The following RIOX2 variants were observed in gnomAD, a reference collection of about 807,000 sequenced individuals.
The protein encoded by RIOX2 is 60S ribosomal protein L27a histidine hydroxylase.
RIOX2 carries 43 observed loss-of-function variants against 51.2 expected under a neutral mutation model. The ratio of observed to expected loss-of-function variants is 0.84; its 90% CI spans 0.66 to 1.08. The LOEUF is 1.08. Among genes scored for constraint, RIOX2 ranks in the 50% least tolerant of loss-of-function variants. RIOX2 has a pLI of 0.00. For synonymous variants in RIOX2, 226 were observed against 218.5 expected (o/e 1.03, Z -0.30); for missense variants, 566 against 561.7 (o/e 1.01, Z -0.08).
intron 2 of RIOX2, among the ~76,000 whole-genome samples, chr3:97,963,117 T>C (rs1238067335): frequency 6.6e-6 from 1 of 152,114 alleles, no homozygotes; most frequent in Non-Finnish European, 1.5e-5. Context: ...ACTGGGTCAA[T>C]ATGAAAAAAG....
Position 97,945,127 on chromosome 3 carries a change from T to C in RIOX2, c.*57A>G, listed in dbSNP as rs1426217012. The C allele has an allele frequency of 6.7e-7, 1 of 1,485,972 alleles. No individual in the cohort carries two copies. The highest frequency in any genetic ancestry group is 1.4e-5 in the African/African-American group (1 of 70,156). The allele number at this position is 1,485,972 out of a possible 1,614,324, so 92.0% of individuals were successfully genotyped here. On this transcript the variant is annotated 3_prime_UTR_variant, in exon 10 of 10. Transcript: ENST00000394198. ...TTCATCCTCTCCTCGGCTCAGGTCT[T>C]TGCTTTTCTTTTAATATATGCATAT...
intron 4 of RIOX2, among the ~76,000 whole-genome samples, chr3:97,956,305 C>T (rs896444767): frequency 4.6e-5 from 7 of 152,136 alleles, no homozygotes; most frequent in Non-Finnish European, 8.8e-5. Context: ...GGCTGGAAAA[C>T]GTAAGTAAAC....
chr3:97,950,759 T>C (rs752273101), intron 6 of RIOX2, 27 bp downstream of exon 6: 12 of 1,581,044 alleles, frequency 7.6e-6, no homozygotes, highest in Admixed American at 3.3e-5. Flanking sequence ...CTACCATCCT[T>C]CATTCCTACC....
At chr3:97,970,333 A>G (rs1452140236) in intron 1 of RIOX2, among the ~76,000 whole-genome samples, 1 of 152,208 alleles carries the variant, frequency 6.6e-6, no homozygotes. Flanking sequence ...TCATGTTGAA[A>G]TGATTTGAGG....
Position 97,944,682 on chromosome 3 carries a change from C to T in RIOX2, c.*502G>A, listed in dbSNP as rs1305167322. 1 of 152,316 alleles carries T rather than the reference C, an allele frequency of 6.6e-6. No homozygotes were observed. The highest frequency in any genetic ancestry group is 2.4e-5 in the African/African-American group (1 of 41,370). 9.4% of individuals were successfully genotyped at this position (152,316 alleles called of 1,614,324 possible). A position where few individuals can be genotyped will look rare whatever the true frequency, so the allele number is the denominator to read the frequency against. ...TCCATAGGTGTTGCGTGCCTCTCAT[C>T]TGTGGGGAAGTATTATTTAATAAAA... On this transcript the variant is annotated 3_prime_UTR_variant, in exon 10 of 10. Coordinates refer to ENST00000394198, the MANE Select transcript of RIOX2 (RefSeq NM_153182.4).
chr3:97,957,429 G>T (rs1705491473), intron 4 of RIOX2, among the ~76,000 whole-genome samples: 1 of 151,144 alleles, frequency 6.6e-6, no homozygotes, highest in Admixed American at 6.6e-5. Context: ...CCGGGAGGCG[G>T]AGGTTTCAGC....
At chr3:97,964,696 TAAAAAAAAAA>T (rs1159985029) in intron 2 of RIOX2, among the ~76,000 whole-genome samples, 4 of 60,222 alleles carry the variant, frequency 6.6e-5, no homozygotes, top group African/African-American at 2.7e-4. Context: ...GACTCTGTCT[TAAAAAAAAAA>T]AAAAAAAAAA....
chr3:97,951,091 G>T (rs34242266), intron 5 of RIOX2: 1 of 505,330 alleles, frequency 2.0e-6, no homozygotes. Flanking sequence ...CTCCCTCCCC[G>T]TTCCAGACAC....
intron 7 of RIOX2, among the ~76,000 whole-genome samples, chr3:97,949,278 TCTC>T (rs1482451681): frequency 1.3e-5 from 2 of 152,040 alleles, no homozygotes; most frequent in African/African-American, 2.4e-5. Context: ...GCCTGGCACT[TCTC>T]CTCGCTCTTG....
At chr3:97,959,494 T>G (rs1705590724) in intron 3 of RIOX2, among the ~76,000 whole-genome samples, 1 of 151,872 alleles carries the variant, frequency 6.6e-6, no homozygotes, top group Non-Finnish European at 1.5e-5. Flanking sequence ...TAATTTATCT[T>G]CTTTGTAGAG....
rs1000844745 is a variant in RIOX2 at position 97,969,777 on chromosome 3, G to A, written c.-39-2145C>T. 4.6e-5 allele frequency among the ~76,000 whole-genome samples: 7 copies of A among 152,200 alleles called. 1 individual carries two copies. In the South Asian group the frequency reaches 1.0e-3, roughly 23 times the overall value. ...CTGAGCACAGCCAGTGTGACCGCTC[G>A]AAGACCCTTGGAGCCTTGCACTTGG... is the stretch of plus-strand genomic sequence containing the variant. On this transcript the variant is annotated intron_variant, in intron 1 of 9. Transcript: ENST00000394198.
intron 9 of RIOX2, 33 bp downstream of exon 9, chr3:97,945,765 C>CAACAAA: frequency 6.7e-7 from 1 of 1,491,170 alleles, no homozygotes; most frequent in Non-Finnish European, 9.3e-7. Flanking sequence ...ACCCAAGTCA[C>CAACAAA]AGGATAGGCA....
At chr3:97,946,477 A>G (rs2040360461) in intron 8 of RIOX2, among the ~76,000 whole-genome samples, 1 of 151,280 alleles carries the variant, frequency 6.6e-6, no homozygotes, top group African/African-American at 2.4e-5. Flanking sequence ...CACCTCTTAG[A>G]TAAGGGCAAA....
chr3:97,948,111 G>T (rs918679814), intron 7 of RIOX2, among the ~76,000 whole-genome samples: 1 of 152,050 alleles, frequency 6.6e-6, no homozygotes, highest in Non-Finnish European at 1.5e-5. Context: ...AAGTAGTCTG[G>T]GCCATAAGCT....
chr3:97,955,144 C>T (rs558212980), intron 4 of RIOX2, among the ~76,000 whole-genome samples: 1 of 152,222 alleles, frequency 6.6e-6, no homozygotes, highest in South Asian at 2.1e-4. Flanking sequence ...TTGTCTTTCC[C>T]AGAGCCTACC....
intron 7 of RIOX2, among the ~76,000 whole-genome samples, chr3:97,949,280 T>C (rs1368035431): frequency 6.6e-6 from 1 of 152,102 alleles, no homozygotes; most frequent in Non-Finnish European, 1.5e-5. Flanking sequence ...CTGGCACTTC[T>C]CCTCGCTCTT....
Position 97,968,960 on chromosome 3 carries a change from G to C in RIOX2, c.-39-1328C>G, listed in dbSNP as rs140761905. Reference sequence around the variant, plus strand: ...ATTTCAGCTACACTGTAGACTAAGTGGAATTAATGTTCTGGCCTGGGAAGT... The same window carrying C: ...ATTTCAGCTACACTGTAGACTAAGTCGAATTAATGTTCTGGCCTGGGAAGT... On this transcript the variant is annotated intron_variant, in intron 1 of 9. Transcript: ENST00000394198. Among the ~76,000 whole-genome samples, 12 of 152,298 alleles carry C rather than the reference G, an allele frequency of 7.9e-5. No individual in the cohort carries two copies. The East Asian group carries it at 2.3e-3, about 29-fold the overall frequency.
rs770740083 is a variant in RIOX2, at chr3:97,943,260, A to C, written c.*1924T>G. ...ATTGTGACAAGACTCATGTAATTGT[A>C]AATCAGCCCCTGGAGGGAGAAGAAA... On this transcript the variant is annotated 3_prime_UTR_variant, in exon 10 of 10. Coordinates refer to ENST00000394198, the MANE Select transcript of RIOX2 (RefSeq NM_153182.4). 4 of 1,592,232 alleles carry C rather than the reference A, an allele frequency of 2.5e-6. No homozygotes were observed. Among genetic ancestry groups the C allele is most frequent in the Non-Finnish European group, 3.4e-6 (4 of 1,162,700 alleles).
At chr3:97,954,810 T>A (rs1705394359) in intron 4 of RIOX2, among the ~76,000 whole-genome samples, 1 of 152,096 alleles carries the variant, frequency 6.6e-6, no homozygotes, top group Non-Finnish European at 1.5e-5. Flanking sequence ...GAAGGTAACA[T>A]CCTGTGCCTG....
Sources: gnomAD v4.1 joint callset for allele counts (sites outside exome capture counted in the v4.1 genomes callset) on GRCh38, gnomAD v4.1.1 for gene constraint, MANE v1.5 for transcripts, NCBI Gene and HGNC (gene_info 2026-07-23, HGNC 2026-07-21) for gene names.